Variants in NKAIN3 observed in about 807,000 individuals in gnomAD.
The protein encoded by NKAIN3 is sodium/potassium transporting ATPase interacting 3.
Under a neutral mutation model 30.2 loss-of-function variants are expected in NKAIN3, and 25 were observed. The ratio of observed to expected loss-of-function variants is 0.83; its 90% CI spans 0.60 to 1.16. NKAIN3 has a LOEUF of 1.16. NKAIN3 is among the 50% of genes most tolerant of loss of function. The pLI, the probability that NKAIN3 is intolerant of heterozygous loss-of-function variation, is 0.00. For missense variants in NKAIN3, 225 were observed against 254.1 expected, an observed-to-expected ratio of 0.89 and a Z score of 0.78; for synonymous variants, 91 against 89.6, an observed-to-expected ratio of 1.02 and a Z score of -0.09.
At chr8:62,515,794 T>A (rs1393286624) in intron 1 of NKAIN3, among the ~76,000 whole-genome samples, 1 of 152,176 alleles carries the variant, frequency 6.6e-6, no homozygotes, top group African/African-American at 2.4e-5. Context: ...ACCCTTGTTT[T>A]AACTTGCATT....
At chr8:62,916,058 A>G (rs528893694) in intron 4 of NKAIN3, among the ~76,000 whole-genome samples, 2 of 152,318 alleles carry the variant, frequency 1.3e-5, no homozygotes, top group South Asian at 4.1e-4. Context: ...GGTATGGAAA[A>G]GCAGGCATTG....
At chr8:62,331,847 T>A (rs753486339) in intron 1 of NKAIN3, among the ~76,000 whole-genome samples, 5 of 152,106 alleles carry the variant, frequency 3.3e-5, no homozygotes, top group African/African-American at 9.7e-5. Context: ...TTTAAAAAGA[T>A]TAAAATTCTG....
At chr8:62,726,112 A>G (rs974023888) in intron 3 of NKAIN3, among the ~76,000 whole-genome samples, 10 of 152,076 alleles carry the variant, frequency 6.6e-5, no homozygotes, top group Non-Finnish European at 1.5e-4. Flanking sequence ...TGTAAATGGA[A>G]TACTTTCTTG....
intron 3 of NKAIN3, among the ~76,000 whole-genome samples, chr8:62,634,983 C>T (rs1812082715): frequency 6.6e-6 from 1 of 151,976 alleles, no homozygotes; most frequent in African/African-American, 2.4e-5. Flanking sequence ...AAGATAAAAG[C>T]TCAACATTCA....
chr8:62,375,832 CA>C (rs1817062229), intron 1 of NKAIN3, among the ~76,000 whole-genome samples: 1 of 152,102 alleles, frequency 6.6e-6, no homozygotes, highest in African/African-American at 2.4e-5. Flanking sequence ...TTGTTTTTGA[CA>C]AAATTTCAGT....
chr8:62,335,848 C>T (rs1464685294), intron 1 of NKAIN3, among the ~76,000 whole-genome samples: 1 of 151,972 alleles, frequency 6.6e-6, no homozygotes, highest in African/African-American at 2.4e-5. Flanking sequence ...TCCAATCCAT[C>T]AGAGAAAAGC....
At chr8:62,464,936 G>T (rs1563410704) in intron 1 of NKAIN3, among the ~76,000 whole-genome samples, 1 of 152,280 alleles carries the variant, frequency 6.6e-6, no homozygotes, top group East Asian at 1.9e-4. Context: ...GGTGAAGATA[G>T]AATTGGCATT....
At chr8:62,618,479 G>A (rs1811526692) in intron 3 of NKAIN3, among the ~76,000 whole-genome samples, 1 of 152,092 alleles carries the variant, frequency 6.6e-6, no homozygotes, top group Non-Finnish European at 1.5e-5. Context: ...CAAAACTGCT[G>A]TAGTCCCTCA....
At chr8:62,391,496 G>T (rs561180851) in intron 1 of NKAIN3, among the ~76,000 whole-genome samples, 1 of 151,800 alleles carries the variant, frequency 6.6e-6, no homozygotes, top group Admixed American at 6.6e-5. Context: ...TAAAAGATGA[G>T]AACTAGAGAA....
intron 1 of NKAIN3, among the ~76,000 whole-genome samples, chr8:62,343,767 C>A (rs151054596): frequency 6.6e-6 from 1 of 151,752 alleles, no homozygotes; most frequent in Non-Finnish European, 1.5e-5. Flanking sequence ...GCTCTGATTG[C>A]GCCACTGCAC....
intron 4 of NKAIN3, among the ~76,000 whole-genome samples, chr8:62,902,621 G>A (rs893644719): frequency 1.3e-5 from 2 of 152,164 alleles, no homozygotes; most frequent in Non-Finnish European, 2.9e-5. Flanking sequence ...AAATATACTC[G>A]TAGTCATGTG....
chr8:62,438,242 T>C (rs1805227589), intron 1 of NKAIN3, among the ~76,000 whole-genome samples: 1 of 152,226 alleles, frequency 6.6e-6, no homozygotes, highest in Admixed American at 6.5e-5. Context: ...TTTACATTTT[T>C]CTTTGTAAAT....
At chr8:62,408,901 G>A (rs1804155036) in intron 1 of NKAIN3, among the ~76,000 whole-genome samples, 1 of 152,114 alleles carries the variant, frequency 6.6e-6, no homozygotes, top group South Asian at 2.1e-4. Context: ...AAATCTAATT[G>A]TTAGAGAAAC....
At chr8:62,594,360 T>C (rs1810755118) in intron 3 of NKAIN3, among the ~76,000 whole-genome samples, 2 of 152,052 alleles carry the variant, frequency 1.3e-5, no homozygotes, top group African/African-American at 4.8e-5. Flanking sequence ...AATTCCTCAT[T>C]AGCCATTCTG....
At chr8:62,640,375 G>A (rs968769998) in intron 3 of NKAIN3, among the ~76,000 whole-genome samples, 3 of 151,976 alleles carry the variant, frequency 2.0e-5, no homozygotes, top group South Asian at 2.1e-4. Flanking sequence ...CTCACCTGCC[G>A]CCATGTAAGA....
chr8:62,607,380 C>T (rs765381388), intron 3 of NKAIN3, among the ~76,000 whole-genome samples: 1 of 152,086 alleles, frequency 6.6e-6, no homozygotes, highest in Non-Finnish European at 1.5e-5. Flanking sequence ...TACAAATGGG[C>T]ACTGTCATGG....
At chr8:62,480,102 G>A (rs1806665235) in intron 1 of NKAIN3, among the ~76,000 whole-genome samples, 1 of 152,162 alleles carries the variant, frequency 6.6e-6, no homozygotes, top group African/African-American at 2.4e-5. Flanking sequence ...TAGGAATTCA[G>A]TACTTCTTCA....
At chr8:62,373,354 C>T (rs1486372541) in intron 1 of NKAIN3, among the ~76,000 whole-genome samples, 1 of 152,136 alleles carries the variant, frequency 6.6e-6, no homozygotes, top group Non-Finnish European at 1.5e-5. Context: ...ATTCTACTAA[C>T]TTTATTTGAA....
chr8:62,551,128 A>C (rs1809193924), intron 1 of NKAIN3, among the ~76,000 whole-genome samples: 1 of 152,220 alleles, frequency 6.6e-6, no homozygotes, highest in South Asian at 2.1e-4. Flanking sequence ...ATACGAAGAG[A>C]GAAAACTTCC....
Sources: gnomAD v4.1 joint callset for allele counts (sites outside exome capture counted in the v4.1 genomes callset) on GRCh38, gnomAD v4.1.1 for gene constraint, MANE v1.5 for transcripts, NCBI Gene and HGNC (gene_info 2026-07-23, HGNC 2026-07-21) for gene names.